Variants in REPS1 observed in about 807,000 individuals in gnomAD.
REPS1 encodes RALBP1 associated Eps domain containing 1, also known as ralBP1-associated Eps domain-containing protein 1.
A neutral mutation model predicts 100.9 loss-of-function variants in REPS1; 39 were observed. That is an observed-to-expected ratio of 0.39 (90% CI 0.30 to 0.50). The LOEUF (loss-of-function observed/expected upper bound fraction) is 0.50. Ranked by LOEUF, REPS1 falls within the 20% of genes least tolerant of loss-of-function variation. The probability of loss-of-function intolerance (pLI) is 0.86; values close to 1 mark genes in which losing one functional copy is unlikely to be tolerated. For missense variants in REPS1, 821 were observed against 968.5 expected, an observed-to-expected ratio of 0.85 and a Z score of 2.02; for synonymous variants, 324 against 340.3, an observed-to-expected ratio of 0.95 and a Z score of 0.53.
intron 1 of REPS1, among the ~76,000 whole-genome samples, chr6:138,951,806 T>G (rs1783057146): frequency 6.6e-6 from 1 of 152,250 alleles, no homozygotes; most frequent in Non-Finnish European, 1.5e-5. Context: ...AAATCATTTA[T>G]CATCTCCAAA....
At chr6:138,920,367 T>C (rs1294460581) in intron 11 of REPS1, 51 bp from the exon 12 acceptor site, 5 of 927,386 alleles carry the variant, frequency 5.4e-6, no homozygotes, top group Non-Finnish European at 3.5e-6. Context: ...TTTGAACTGA[T>C]AAACTCATAA....
At chr6:138,917,878 T>G (rs1780507360) in intron 12 of REPS1, among the ~76,000 whole-genome samples, 2 of 152,136 alleles carry the variant, frequency 1.3e-5, no homozygotes, top group South Asian at 4.1e-4. Context: ...TGCAGAAATA[T>G]TCAAAATAAG....
At chr6:138,928,228 T>C (rs1414729032) in intron 9 of REPS1, 1 of 152,178 alleles carries the variant, frequency 6.6e-6, no homozygotes, top group Non-Finnish European at 1.5e-5. Context: ...AGTTAATATA[T>C]ATAAAGAGTT....
intron 1 of REPS1, among the ~76,000 whole-genome samples, chr6:138,965,354 C>A (rs894892852): frequency 6.6e-6 from 1 of 150,604 alleles, no homozygotes; most frequent in South Asian, 2.1e-4. Flanking sequence ...ACAACAACAA[C>A]GACAAAAAGG....
At chr6:138,913,065 G>GT in intron 15 of REPS1, 115 bp from the exon 16 acceptor site, 3 of 766,674 alleles carry the variant, frequency 3.9e-6, no homozygotes, top group Middle Eastern at 7.5e-4. Flanking sequence ...TTTATTATCT[G>GT]TAAGTTCAGA....
intron 1 of REPS1, among the ~76,000 whole-genome samples, chr6:138,949,960 C>A (rs983235345): frequency 6.6e-6 from 1 of 151,832 alleles, no homozygotes; most frequent in African/African-American, 2.4e-5. Context: ...CTGTTTTTTC[C>A]AAAAAAGCTG....
chr6:138,969,323 G>A (rs1381841498), intron 1 of REPS1, among the ~76,000 whole-genome samples: 1 of 117,564 alleles, frequency 8.5e-6, no homozygotes, highest in Non-Finnish European at 1.7e-5. Context: ...CTGTCTCCCA[G>A]GTCTGTCTTC....
At chr6:138,915,644 G>T (rs1780314970) in intron 14 of REPS1, among the ~76,000 whole-genome samples, 1 of 151,754 alleles carries the variant, frequency 6.6e-6, no homozygotes, top group Non-Finnish European at 1.5e-5. Flanking sequence ...GTAGAGATGG[G>T]GTTTCACCAT....
At chr6:138,907,297 T>TTA (rs547521838) in intron 19 of REPS1, 198 bp downstream of exon 19, 1 of 170,208 alleles carries the variant, frequency 5.9e-6, no homozygotes. Flanking sequence ...CGTGTCTCTT[T>TTA]AAAAAAAAAA....
chr6:138,987,256 C>A (rs73564747), intron 1 of REPS1, among the ~76,000 whole-genome samples: 12,669 of 152,264 alleles, frequency 0.083, 1,128 homozygotes, highest in African/African-American at 0.22. Flanking sequence ...ATAGCTCTTG[C>A]AGTACAGAGC....
intron 19 of REPS1, among the ~76,000 whole-genome samples, chr6:138,907,131 A>C (rs1389783341): frequency 6.6e-6 from 1 of 152,102 alleles, no homozygotes; most frequent in Non-Finnish European, 1.5e-5. Flanking sequence ...TCTTCTTTAG[A>C]CCTGTTTAAG....
chr6:138,910,824 C>T (rs1779956621), intron 17 of REPS1: 1 of 154,916 alleles, frequency 6.5e-6, no homozygotes, highest in South Asian at 2.0e-4. Context: ...AGTGAATTTA[C>T]TGATGTACAA....
chr6:138,920,142 A>T (rs1780655036), intron 12 of REPS1, 73 bp downstream of exon 12: 2 of 814,512 alleles, frequency 2.5e-6, no homozygotes, highest in Non-Finnish European at 4.3e-6. Context: ...TTAAATGCAT[A>T]CACATCTGAA....
In REPS1 at chr6:138,917,510, G is replaced by A. The variant is rs375569603; in HGVS notation, c.1601+45C>T. The A allele has an allele frequency of 2.5e-5, 35 of 1,398,250 alleles. No homozygotes were observed. The East Asian group carries it at 5.0e-4, about 20-fold the overall frequency. 86.6% of individuals were successfully genotyped at this position (1,398,250 alleles called of 1,614,324 possible). On this transcript the variant is annotated intron_variant, in intron 13 of 19. Transcript: ENST00000450536. ...TCTAAATAGTTTTAAACATTAAAACGCAGCAAGATAGTTTAACATGCTTTT... is the reference window on the plus strand; with the variant it reads ...TCTAAATAGTTTTAAACATTAAAACACAGCAAGATAGTTTAACATGCTTTT...
At chr6:138,959,882 A>ATGGG (rs1783626896) in intron 1 of REPS1, among the ~76,000 whole-genome samples, 1 of 152,222 alleles carries the variant, frequency 6.6e-6, no homozygotes, top group Non-Finnish European at 1.5e-5. Flanking sequence ...CATTATCCCC[A>ATGGG]GTTCATAGGA....
At chr6:138,949,051 G>A (rs1285384168) in intron 1 of REPS1, among the ~76,000 whole-genome samples, 2 of 152,234 alleles carry the variant, frequency 1.3e-5, no homozygotes, top group African/African-American at 4.8e-5. Flanking sequence ...ATGAGGAAAA[G>A]GGGAGTTTAA....
intron 1 of REPS1, among the ~76,000 whole-genome samples, chr6:138,978,060 C>G (rs907486407): frequency 1.3e-5 from 2 of 150,240 alleles, no homozygotes; most frequent in Non-Finnish European, 3.0e-5. Context: ...AATACCTATT[C>G]AATGGGCTTA....
At chr6:138,938,719 A>AACC (rs1384607529) in intron 8 of REPS1, among the ~76,000 whole-genome samples, 1 of 152,220 alleles carries the variant, frequency 6.6e-6, no homozygotes, top group Non-Finnish European at 1.5e-5. Context: ...AAATGAGAGA[A>AACC]ACCACCTCTG....
intron 8 of REPS1, among the ~76,000 whole-genome samples, chr6:138,931,464 C>T (rs1410612811): frequency 3.3e-5 from 5 of 152,114 alleles, no homozygotes; most frequent in Non-Finnish European, 1.5e-5. Flanking sequence ...TGTTACATGC[C>T]TCCCTCAAAA....
Sources: allele counts gnomAD v4.1 joint callset (sites outside exome capture counted in the v4.1 genomes callset), GRCh38; gene constraint gnomAD v4.1.1; transcripts MANE v1.5; gene names NCBI Gene and HGNC (gene_info 2026-07-23, HGNC 2026-07-21).